CACTIN: variants seen among roughly 807,000 people sequenced by gnomAD.
CACTIN encodes splicing factor Cactin.
CACTIN carries 20 observed loss-of-function variants against 84.9 expected under a neutral mutation model. The ratio of observed to expected loss-of-function variants is 0.24; its 90% CI spans 0.17 to 0.34. The LOEUF (loss-of-function observed/expected upper bound fraction) is 0.34, where lower values mean the gene tolerates loss of function less well. CACTIN is among the 10% of genes least tolerant of loss of function. The probability of loss-of-function intolerance (pLI) is 1.00; values close to 1 mark genes in which losing one functional copy is unlikely to be tolerated. For synonymous variants in CACTIN, 549 were observed against 467.9 expected (o/e 1.17, Z -2.24); for missense variants, 897 against 1,117.2 (o/e 0.80, Z 2.81).
In CACTIN at chr19:3,610,921, G is replaced by A. The variant is rs1000228476; in HGVS notation, c.*1002C>T. 2.8e-5 allele frequency: 13 copies of A among 456,636 alleles called. No homozygotes were observed. The highest frequency in any genetic ancestry group is 4.4e-5 in the Non-Finnish European group (10 of 226,996). 28.3% of individuals were successfully genotyped at this position (456,636 alleles called of 1,614,324 possible). On this transcript the variant is annotated 3_prime_UTR_variant, in exon 10 of 10. Coordinates refer to ENST00000429344, the MANE Select transcript of CACTIN (RefSeq NM_001080543.2). ...TGCTGAAGAACAAGCCTGCCGGCTGGGCCACTCCGACCTGGGCTGTGGCAC... is the reference window on the plus strand; with the variant it reads ...TGCTGAAGAACAAGCCTGCCGGCTGAGCCACTCCGACCTGGGCTGTGGCAC...
intron 4 of CACTIN, 82 bp downstream of exon 4, chr19:3,620,045 G>A: frequency 1.3e-6 from 2 of 1,519,874 alleles, no homozygotes; most frequent in South Asian, 1.2e-5. Context: ...AAGGGTGGGA[G>A]AGCAGTGGCT....
In CACTIN at chr19:3,623,680, G is replaced by A. The variant is rs1453448028; in HGVS notation, c.642+8C>T. 6.3e-7 allele frequency: 1 copy of A among 1,592,726 alleles called. No homozygotes were observed. The highest frequency in any genetic ancestry group is 1.7e-5 in the Admixed American group (1 of 58,040). On this transcript the variant is annotated splice_region_variant and intron_variant, in intron 2 of 9. Transcript: ENST00000429344. ...CAGGGACAGAGGCCACCACCCGGCG[G>A]GGCCCACCTTATTCCAGATGAAGGT... is the stretch of plus-strand genomic sequence containing the variant.
At chr19:3,619,681 G>C (rs11883225) in intron 4 of CACTIN, among the ~76,000 whole-genome samples, 11,756 of 152,238 alleles carry the variant, frequency 0.077, 515 homozygotes, top group Non-Finnish European at 0.1. Flanking sequence ...GGGCCTGCAG[G>C]GGGGTACGCG....
chr19:3,610,678 T>C lies in CACTIN; in HGVS notation c.*1245A>G. The C allele has an allele frequency of 6.6e-6, 3 of 453,254 alleles. No individual in the cohort carries two copies. The highest frequency in any genetic ancestry group is 1.3e-5 in the Non-Finnish European group (3 of 226,180). 28.1% of individuals were successfully genotyped at this position (453,254 alleles called of 1,614,324 possible). On this transcript the variant is annotated 3_prime_UTR_variant, in exon 10 of 10. Transcript: ENST00000429344. ...AAATACAACGTTTATTAAAAAAACA[T>C]GCGATCTTGCCAATAGGCCAATTCC...
chr19:3,611,608 C>T lies in CACTIN; in HGVS notation c.*315G>A, dbSNP rs898611416. On this transcript the variant is annotated 3_prime_UTR_variant, in exon 10 of 10. Coordinates refer to ENST00000429344, the MANE Select transcript of CACTIN (RefSeq NM_001080543.2). ...TGGCTGAGGGGCGGTGGAGAGTGTC[C>T]GCCTGGACGGTGAGGTCAGCTGGCG... The T allele has an allele frequency of 4.1e-5, 17 of 413,538 alleles. No homozygotes were observed. The Admixed American group carries it at 5.0e-4, about 12-fold the overall frequency. 25.6% of individuals were successfully genotyped at this position (413,538 alleles called of 1,614,324 possible). A position where few individuals can be genotyped will look rare whatever the true frequency, so the allele number is the denominator to read the frequency against.
chr19:3,621,217 C>A (rs576167165), intron 2 of CACTIN, among the ~76,000 whole-genome samples: 3 of 152,360 alleles, frequency 2.0e-5, no homozygotes, highest in East Asian at 3.9e-4. Context: ...CAGGGTCCCC[C>A]ACTGCACGTG....
intron 2 of CACTIN, 47 bp from the exon 3 acceptor site, chr19:3,620,849 G>A (rs1192418333): frequency 1.4e-5 from 20 of 1,464,942 alleles, no homozygotes; most frequent in Middle Eastern, 1.7e-4. Context: ...CCGCCCCCTC[G>A]CCCCCCTCCT....
chr19:3,620,309 G>T, intron 3 of CACTIN, 37 bp from the exon 4 acceptor site: 1 of 1,540,810 alleles, frequency 6.5e-7, no homozygotes, highest in African/African-American at 1.4e-5. Context: ...CGGGGACCGT[G>T]CGGTCTGCAG....
chr19:3,625,339 G>A (rs2033311925), intron 1 of CACTIN, among the ~76,000 whole-genome samples: 2 of 152,136 alleles, frequency 1.3e-5, no homozygotes, highest in South Asian at 2.1e-4. Flanking sequence ...CTGAATTTTC[G>A]TGAACATTAA....
rs367552752 is a variant in CACTIN at position 3,611,839 on chromosome 19, C to G, written c.*84G>C. The stretch of plus-strand genomic sequence containing the variant: ...TGAACCCGCGGCCCTGCAGCCCAGA[C>G]AGCGGCCCCGGAGTGACCACCAGCT... On this transcript the variant is annotated 3_prime_UTR_variant, in exon 10 of 10. Transcript: ENST00000429344. The G allele has an allele frequency of 1.2e-5, 19 of 1,532,822 alleles. No homozygotes were observed. Among genetic ancestry groups the G allele is most frequent in the African/African-American group, 9.5e-5 (7 of 73,328 alleles). The allele number at this position is 1,532,822 out of a possible 1,614,324, so 95.0% of individuals were successfully genotyped here.
chr19:3,612,348 C>T lies in CACTIN; in HGVS notation c.1852G>A (p.Glu618Lys). Residue 618 changes from glutamate (E) to lysine (K), a missense_variant, in exon 10 of 10, where the codon GAG becomes AAG. This residue lies in a region of CACTIN where 243 missense variants were observed against 239.9 expected (regional missense o/e 1.01). Coordinates refer to ENST00000429344, the MANE Select transcript of CACTIN (RefSeq NM_001080543.2). ...GGCATCTCCACGCTGAACTGCGCCT[C>T]GTCCTGGCCCATGCCCTCCTTGGCC... Reference protein sequence around the residue: ...RRAKEGMGQDEAQFSVEMPLT... With the variant: ...RRAKEGMGQDKAQFSVEMPLT... 2 of 1,610,824 alleles carry T rather than the reference C, an allele frequency of 1.2e-6. No homozygotes were observed. Among genetic ancestry groups the T allele is most frequent in the Non-Finnish European group, 8.5e-7 (1 of 1,179,592 alleles).
rs951938677 is a variant in CACTIN, at chr19:3,610,788, G to C, written c.*1135C>G. ...ATTTCCAGATGAGGCGGGGTGTCTG[G>C]GAGGGGCTGTGGGTGGTCTGGGGCT... On this transcript the variant is annotated 3_prime_UTR_variant, in exon 10 of 10. Transcript: ENST00000429344. 4 of 456,850 alleles carry C rather than the reference G, an allele frequency of 8.8e-6. No homozygotes were observed. Among genetic ancestry groups the C allele is most frequent in the African/African-American group, 8.0e-5 (4 of 50,084 alleles). The allele number at this position is 456,850 out of a possible 1,614,324, so 28.3% of individuals were successfully genotyped here.
In CACTIN at chr19:3,613,504, A is replaced by G; in HGVS notation, c.1438T>C (p.Phe480Leu). The change falls in exon 8 of 10, where the codon TTC becomes CTC. Residue 480 changes from phenylalanine to leucine, a missense_variant. This residue lies in a region of CACTIN where 243 missense variants were observed against 239.9 expected (regional missense o/e 1.01). Transcript: ENST00000429344. ...TGGGGCTCCTGCTTGAGGATGGGGA[A>G]CAGCGGCTCGCTCTCCACGCCCTGC... ...QEQGVESEPL[F>L]PILKQEPQSP... is the part of the protein sequence containing the mutation. 6.3e-7 allele frequency: 1 copy of G among 1,584,000 alleles called. No individual in the cohort carries two copies. The highest frequency in any genetic ancestry group is 8.5e-7 in the Non-Finnish European group (1 of 1,169,628).
chr19:3,612,602 C>T (rs1456729066), intron 9 of CACTIN, among the ~76,000 whole-genome samples, 189 bp from the exon 10 acceptor site: 2 of 152,196 alleles, frequency 1.3e-5, no homozygotes, highest in South Asian at 2.1e-4. Flanking sequence ...CCCCGAGCCC[C>T]GGACCTTGGT....
chr19:3,616,673 TAAAA>T (rs1233047620), intron 6 of CACTIN: 1 of 151,822 alleles, frequency 6.6e-6, no homozygotes, highest in Non-Finnish European at 1.5e-5. Flanking sequence ...ACAGAAATAA[TAAAA>T]AAACTTTAAT....
chr19:3,614,635 G>GTGCTCCTCCACCCCATCAGGGCC (rs1568292194), intron 6 of CACTIN, 46 bp from the exon 7 acceptor site: 2 of 1,502,078 alleles, frequency 1.3e-6, no homozygotes, highest in Non-Finnish European at 1.8e-6. Context: ...CATTTCCTAC[G>GTGCTCCTCCACCCCATCAGGGCC]TGCTCCTCCA....
rs2032938009 is a variant in CACTIN, at chr19:3,611,128, G to A, written c.*795C>T. On this transcript the variant is annotated 3_prime_UTR_variant, in exon 10 of 10. Transcript: ENST00000429344. ...AACCCCCAGCCTTCGGGGAGCCCCT[G>A]CCCTCCAGGCCCTGTGCTCAGAGGT... 5.3e-6 allele frequency: 2 copies of A among 379,314 alleles called. No individual in the cohort carries two copies. The highest frequency in any genetic ancestry group is 3.3e-5 in the Admixed American group (1 of 30,372). 23.5% of individuals were successfully genotyped at this position (379,314 alleles called of 1,614,324 possible).
rs774172540 is a variant in CACTIN, at chr19:3,611,752, C to A, written c.*171G>T. Reference sequence around the variant, plus strand: ...CACCATGGCAGGCTCAATGGTGACCCCCCTTTTATATAGGAGGAAACTGAG... The same window carrying A: ...CACCATGGCAGGCTCAATGGTGACCACCCTTTTATATAGGAGGAAACTGAG... On this transcript the variant is annotated 3_prime_UTR_variant, in exon 10 of 10. Coordinates refer to ENST00000429344, the MANE Select transcript of CACTIN (RefSeq NM_001080543.2). 17 of 861,308 alleles carry A rather than the reference C, an allele frequency of 2.0e-5. 1 individual carries two copies. In the South Asian group the frequency reaches 2.3e-4, roughly 12 times the overall value. The allele number at this position is 861,308 out of a possible 1,614,324, so 53.4% of individuals were successfully genotyped here.
chr19:3,619,097 G>A lies in CACTIN; in HGVS notation c.1030C>T (p.Leu344=), dbSNP rs1219702189. The A allele has an allele frequency of 7.7e-6, 12 of 1,566,644 alleles. No homozygotes were observed. The highest frequency in any genetic ancestry group is 1.0e-5 in the Non-Finnish European group (12 of 1,156,242). Residue 344 remains leucine (L), a synonymous_variant, in exon 5 of 10, where the codon CTG becomes TTG. Coordinates refer to ENST00000429344, the MANE Select transcript of CACTIN (RefSeq NM_001080543.2). ...NGLTVADMED[L]LEDIQVYMEL... ...CTGGGTACCTGGATATCCTCCAGCA[G>A]GTCCTCCATGTCGGCCACGGTGAGG...
Sources: gnomAD v4.1 joint callset for allele counts (sites outside exome capture counted in the v4.1 genomes callset) on GRCh38, gnomAD v4.1.1 for gene constraint, gnomAD v4.1.1 regional missense constraint, MANE v1.5 for transcripts, NCBI Gene and HGNC (gene_info 2026-07-23, HGNC 2026-07-21) for gene names.